PUM3: variants seen among roughly 807,000 people sequenced by gnomAD.
The protein encoded by PUM3 is pumilio RNA binding family member 3.
Under a neutral mutation model 84.0 loss-of-function variants are expected in PUM3, and 91 were observed. The ratio of observed to expected loss-of-function variants is 1.08; its 90% CI spans 0.91 to 1.29. The LOEUF (loss-of-function observed/expected upper bound fraction) is 1.29, where lower values mean the gene tolerates loss of function less well. PUM3 is among the 50% of genes most tolerant of loss of function. PUM3 has a pLI of 0.00. For missense variants in PUM3, 1,067 were observed against 767.5 expected (o/e 1.39, Z -4.61); for synonymous variants, 321 against 266.7 (o/e 1.20, Z -1.98).
At chr9:2,816,050 G>T (rs1326706014) in intron 13 of PUM3, among the ~76,000 whole-genome samples, 1 of 152,204 alleles carries the variant, frequency 6.6e-6, no homozygotes, top group African/African-American at 2.4e-5. Flanking sequence ...CACACATGAA[G>T]TAGGGTTAAG....
At chr9:2,834,843 A>C (rs1226421655) in intron 3 of PUM3, among the ~76,000 whole-genome samples, 2 of 148,772 alleles carry the variant, frequency 1.3e-5, no homozygotes, top group Non-Finnish European at 3.0e-5. Flanking sequence ...ATCTATCACC[A>C]CTTTTTTGTC....
intron 10 of PUM3, among the ~76,000 whole-genome samples, chr9:2,826,829 G>C (rs1007095884): frequency 6.6e-6 from 1 of 152,030 alleles, no homozygotes; most frequent in Non-Finnish European, 1.5e-5. Flanking sequence ...ATACTCTCTG[G>C]ATTATAATTA....
Position 2,829,900 on chromosome 9 carries a change from CA to C in PUM3, c.725del (p.Val242GlyfsTer30). 1.2e-6 allele frequency: 2 copies of C among 1,613,936 alleles called. No homozygotes were observed. The highest frequency in any genetic ancestry group is 1.7e-6 in the Non-Finnish European group (2 of 1,179,850). ...AEIIRSFKGHVRKMLRHAEAS... is the reference protein window; with the variant it reads ...AEIIRSFKGHXRKMLRHAEAS... ...CTTCCGCATGCCGCAGCATCTTCCT[CA>C]CGTGGCCTTTAAAACTTCTGATTAT... On this transcript the variant is annotated frameshift_variant, in exon 8 of 18. Coordinates refer to ENST00000397885, the MANE Select transcript of PUM3 (RefSeq NM_014878.5). LOFTEE classifies it high-confidence loss of function.
In PUM3 at chr9:2,822,782, G is replaced by A. The variant is rs187196787; in HGVS notation, c.1188+999C>T. ...ACATTATAATTCATATTATAATTAT[G>A]AATTATGAAATATATATGAATATTG... On this transcript the variant is annotated intron_variant, in intron 12 of 17. Transcript: ENST00000397885. Among the ~76,000 whole-genome samples the A allele has an allele frequency of 5.4e-3, 797 of 148,150 alleles. 28 individuals carry two copies. The highest frequency in any genetic ancestry group is 0.05 in the Admixed American group (734 of 14,802).
chr9:2,806,975 G>A (rs1021402725), intron 17 of PUM3, among the ~76,000 whole-genome samples: 9 of 150,850 alleles, frequency 6.0e-5, no homozygotes, highest in Admixed American at 4.0e-4. Flanking sequence ...TTGGGAGCCC[G>A]AGGTGGGCAG....
At chr9:2,843,284 A>G (rs1292095274) in intron 1 of PUM3, among the ~76,000 whole-genome samples, 1 of 152,122 alleles carries the variant, frequency 6.6e-6, no homozygotes, top group Non-Finnish European at 1.5e-5. Flanking sequence ...TCAGGAACTT[A>G]GCCCATTATC....
intron 13 of PUM3, among the ~76,000 whole-genome samples, chr9:2,814,751 T>G (rs1284505471): frequency 6.6e-6 from 1 of 152,004 alleles, no homozygotes; most frequent in Non-Finnish European, 1.5e-5. Flanking sequence ...TTCGCTGCCC[T>G]TAACAAAATG....
intron 1 of PUM3, among the ~76,000 whole-genome samples, chr9:2,841,760 C>T (rs1816272966): frequency 6.6e-6 from 1 of 151,792 alleles, no homozygotes; most frequent in African/African-American, 2.4e-5. Context: ...CGGCCCCTCA[C>T]CCTCTTTAGT....
In PUM3 at chr9:2,828,724, C is replaced by G; in HGVS notation, c.907G>C (p.Glu303Gln). ...TGTTTCATTTCATCCATAATAAGTT[C>G]TAATTTTTCTGGCTGTACCTCTAAC... The part of the protein sequence containing the change: ...KVLEVQPEKL[E>Q]LIMDEMKQIL... The change falls in exon 9 of 18, where the codon GAA becomes CAA. Residue 303 changes from glutamate to glutamine, a missense_variant. Glu to Gln is a conservative substitution (Grantham distance 29). Transcript: ENST00000397885. 1 of 1,609,818 alleles carries G rather than the reference C, an allele frequency of 6.2e-7. No individual in the cohort carries two copies. The highest frequency in any genetic ancestry group is 8.5e-7 in the Non-Finnish European group (1 of 1,176,246).
At chr9:2,819,464 A>C (rs767998641) in intron 13 of PUM3, among the ~76,000 whole-genome samples, 1 of 152,208 alleles carries the variant, frequency 6.6e-6, no homozygotes, top group Admixed American at 6.5e-5. Flanking sequence ...AATAACTTTT[A>C]ATCTGACCCT....
chr9:2,808,445 C>T (rs1285162329), intron 16 of PUM3, among the ~76,000 whole-genome samples: 3 of 152,136 alleles, frequency 2.0e-5, no homozygotes, highest in Non-Finnish European at 2.9e-5. Context: ...ATTTTTCTCC[C>T]GTTATTCTAG....
intron 6 of PUM3, 61 bp from the exon 7 acceptor site, chr9:2,831,089 G>A: frequency 9.6e-7 from 1 of 1,037,198 alleles, no homozygotes; most frequent in South Asian, 1.4e-5. Flanking sequence ...TGGAAACAAA[G>A]GGAGGAAATT....
At chr9:2,813,319 G>T (rs1313522745) in intron 13 of PUM3, among the ~76,000 whole-genome samples, 2 of 152,200 alleles carry the variant, frequency 1.3e-5, no homozygotes, top group Admixed American at 1.3e-4. Flanking sequence ...TAGAGAAGAT[G>T]CAACAGAAGA....
Position 2,831,340 on chromosome 9 carries a change from G to A in PUM3, c.521C>T (p.Ala174Val), listed in dbSNP as rs574415209. 2.1e-5 allele frequency: 33 copies of A among 1,599,162 alleles called. No individual in the cohort carries two copies. Among genetic ancestry groups the A allele is most frequent in the African/African-American group, 2.7e-5 (2 of 74,424 alleles). The change falls in exon 6 of 18, where the codon GCA (alanine) becomes GTA (valine). Residue 174 changes from alanine to valine, a missense_variant. Coordinates refer to ENST00000397885, the MANE Select transcript of PUM3 (RefSeq NM_014878.5). The part of the protein sequence containing the change: ...KLIQGKIKTI[A>V]FAHDSTRVIQ... ...CACACGAGTTGAATCGTGTGCAAAT[G>A]CAATCTGCAGGAAAAAGTTTGAGTT...
intron 1 of PUM3, among the ~76,000 whole-genome samples, chr9:2,840,130 C>T (rs1325368800): frequency 6.6e-6 from 1 of 152,190 alleles, no homozygotes; most frequent in Non-Finnish European, 1.5e-5. Context: ...AGAGGTCAAG[C>T]TTTCTTCTGG....
intron 12 of PUM3, 104 bp from the exon 13 acceptor site, chr9:2,820,202 A>T: frequency 7.3e-6 from 1 of 137,756 alleles, no homozygotes; most frequent in Non-Finnish European, 1.4e-5. Flanking sequence ...GACTCCGCTC[A>T]AAAAAAAAAA....
In PUM3 at chr9:2,807,863, T is replaced by A. The variant is rs1201413580; in HGVS notation, c.1765A>T (p.Asn589Tyr). Residue 589 changes from asparagine (N) to tyrosine (Y), a missense_variant, in exon 17 of 18, where the codon AAC becomes TAC. Coordinates refer to ENST00000397885, the MANE Select transcript of PUM3 (RefSeq NM_014878.5). ...TTTACACTAGCCCAGGACTTCAGGTTCTTCATACCAACATGCTCTACAAGT... is the reference window on the plus strand; with the variant it reads ...TTTACACTAGCCCAGGACTTCAGGTACTTCATACCAACATGCTCTACAAGT... The part of the protein sequence containing the change: ...KTLVEHVGMK[N>Y]LKSWASVNRG... 1 of 1,613,654 alleles carries A rather than the reference T, an allele frequency of 6.2e-7. No individual in the cohort carries two copies. The highest frequency in any genetic ancestry group is 8.5e-7 in the Non-Finnish European group (1 of 1,179,876).
intron 12 of PUM3, among the ~76,000 whole-genome samples, chr9:2,821,913 A>C (rs1175215243): frequency 1.3e-5 from 2 of 152,208 alleles, no homozygotes; most frequent in Non-Finnish European, 2.9e-5. Context: ...CACACGATGA[A>C]ATATTACAGT....
chr9:2,828,981 A>C (rs1055162326), intron 8 of PUM3, among the ~76,000 whole-genome samples: 15 of 152,358 alleles, frequency 9.8e-5, no homozygotes, highest in African/African-American at 3.6e-4. Flanking sequence ...AGTGCATTTA[A>C]AGAGCCAGGC....
Sources: allele counts gnomAD v4.1 joint callset (sites outside exome capture counted in the v4.1 genomes callset), GRCh38; gene constraint gnomAD v4.1.1; transcripts MANE v1.5; gene names NCBI Gene and HGNC (gene_info 2026-07-23, HGNC 2026-07-21).